Variants in COPS7B observed in about 807,000 individuals in gnomAD.
COPS7B encodes COP9 signalosome subunit 7B.
Under a neutral mutation model 33.4 loss-of-function variants are expected in COPS7B, and 9 were observed. The observed-to-expected ratio is 0.27, with a 90% CI of 0.16 to 0.47. The LOEUF (loss-of-function observed/expected upper bound fraction) is 0.47, where lower values mean the gene tolerates loss of function less well. COPS7B is among the 20% of genes least tolerant of loss of function. The pLI, the probability that COPS7B is intolerant of heterozygous loss-of-function variation, is 0.99. For missense variants in COPS7B, 242 were observed against 318.2 expected, an observed-to-expected ratio of 0.76 and a Z score of 1.82; for synonymous variants, 119 against 126.3, an observed-to-expected ratio of 0.94 and a Z score of 0.39.
chr2:231,793,388 G>T (rs1318646018), intron 3 of COPS7B: 2 of 152,152 alleles, frequency 1.3e-5, no homozygotes, highest in Admixed American at 1.3e-4. Context: ...ATAGTTTTTT[G>T]GAATCCAGAA....
In COPS7B at chr2:231,791,772, A is replaced by G; in HGVS notation, c.202A>G (p.Asn68Asp). Residue 68 changes from asparagine to aspartate, a missense_variant, in exon 3 of 7, where the codon AAC becomes GAC. By Grantham distance (23) the Asn-to-Asp change is conservative. Coordinates refer to ENST00000350033, the MANE Select transcript of COPS7B (RefSeq NM_022730.4). ...GANAAYLQLLNLFAYGTYPDY... is the reference protein window; with the variant it reads ...GANAAYLQLLDLFAYGTYPDY... ...TAATGCTGCTTATTTGCAGTTGTTG[A>G]ACCTGTTTGCCTATGGGACATACCC... 6.2e-7 allele frequency: 1 copy of G among 1,614,142 alleles called. No individual in the cohort carries two copies. Among genetic ancestry groups the G allele is most frequent in the Non-Finnish European group, 8.5e-7 (1 of 1,180,016 alleles).
chr2:231,805,413 TTATA>T (rs72268376), intron 6 of COPS7B, among the ~76,000 whole-genome samples: 3 of 131,444 alleles, frequency 2.3e-5, no homozygotes, highest in East Asian at 2.1e-4. Flanking sequence ...TCCCTGTTTA[TTATA>T]TATATATATA....
At chr2:231,794,426 C>A in intron 4 of COPS7B, 75 bp downstream of exon 4, 1 of 1,161,082 alleles carries the variant, frequency 8.6e-7, no homozygotes, top group Non-Finnish European at 1.3e-6. Context: ...TGAAGGAAGT[C>A]CCAGCTGCAC....
At chr2:231,803,748 G>A (rs2049814142) in intron 6 of COPS7B, among the ~76,000 whole-genome samples, 1 of 152,220 alleles carries the variant, frequency 6.6e-6, no homozygotes, top group Non-Finnish European at 1.5e-5. Context: ...TTCTGTGACT[G>A]CAGAAGGATG....
chr2:231,807,790 TC>T lies in COPS7B; in HGVS notation c.*147del. The T allele has an allele frequency of 1.4e-6, 1 of 707,146 alleles. No homozygotes were observed. Among genetic ancestry groups the T allele is most frequent in the Non-Finnish European group, 2.2e-6 (1 of 445,020 alleles). The allele number at this position is 707,146 out of a possible 1,614,324, so 43.8% of individuals were successfully genotyped here. A position where few individuals can be genotyped will look rare whatever the true frequency, so the allele number is the denominator to read the frequency against. On this transcript the variant is annotated 3_prime_UTR_variant, in exon 7 of 7. Transcript: ENST00000350033. ...CGCCTCCCCACCCTGTTGGTACTGT[TC>T]CAGAAAAACTGTTACTCCCCCTCAC... is the stretch of plus-strand genomic sequence containing the variant.
At chr2:231,785,251 A>G (rs1403018965), upstream of COPS7B, among the ~76,000 whole-genome samples, 1 of 152,212 alleles carries the variant, frequency 6.6e-6, no homozygotes, top group Non-Finnish European at 1.5e-5. Context: ...TCCTTAGCTT[A>G]AAAAGCCTAA....
intron 6 of COPS7B, chr2:231,801,227 G>A: frequency 1.3e-6 from 2 of 1,550,076 alleles, no homozygotes; most frequent in Non-Finnish European, 1.7e-6. Flanking sequence ...AGCTTTAAGA[G>A]CCCTCCTTCT....
At position 231,788,706 on chromosome 2, in the gene COPS7B, C is replaced by T. The variant is rs771309215; in HGVS notation, c.136C>T (p.Leu46Phe). ...EAPGVYVFGE[L>F]LELANVQELA... ...TCCCGGAGTGTATGTCTTTGGAGAA[C>T]TTCTGGAGCTGGCCAACGTGCAGGA... Residue 46 changes from leucine (L) to phenylalanine (F), a missense_variant, in exon 2 of 7, where the codon CTT becomes TTT. Physicochemically the swap from Leu to Phe is conservative, Grantham distance 22. Coordinates refer to ENST00000350033, the MANE Select transcript of COPS7B (RefSeq NM_022730.4). 4 of 1,614,106 alleles carry T rather than the reference C, an allele frequency of 2.5e-6. No individual in the cohort carries two copies. The highest frequency in any genetic ancestry group is 2.5e-6 in the Non-Finnish European group (3 of 1,180,018).
At position 231,796,093 on chromosome 2, in the gene COPS7B, G is replaced by C. The variant is rs917450723; in HGVS notation, c.328-13G>C. ...AGATGGTTTTTATAATGATCACATG[G>C]CCTTATCTACAGTGTATCCCCTACT... On this transcript the variant is annotated splice_polypyrimidine_tract_variant and intron_variant, in intron 4 of 6. Coordinates refer to ENST00000350033, the MANE Select transcript of COPS7B (RefSeq NM_022730.4). 6.2e-7 allele frequency: 1 copy of C among 1,610,676 alleles called. No individual in the cohort carries two copies. Among genetic ancestry groups the C allele is most frequent in the Non-Finnish European group, 8.5e-7 (1 of 1,177,118 alleles).
chr2:231,788,723 C>T lies in COPS7B; in HGVS notation c.153C>T (p.Asn51=), dbSNP rs374720622. The T allele has an allele frequency of 1.8e-5, 29 of 1,613,264 alleles. No homozygotes were observed. The African/African-American group carries it at 2.7e-4, about 15-fold the overall frequency. The stretch of plus-strand genomic sequence containing the variant: ...TTGGAGAACTTCTGGAGCTGGCCAA[C>T]GTGCAGGAGGTAAGAACGGTTTGCA... The part of the protein sequence containing the change: ...YVFGELLELA[N]VQELAEGANA... The change falls in exon 2 of 7, where the codon AAC becomes AAT. Residue 51 remains asparagine, a synonymous_variant. Transcript: ENST00000350033.
chr2:231,783,945 G>A (rs141529407), upstream of COPS7B, among the ~76,000 whole-genome samples: 8 of 152,242 alleles, frequency 5.3e-5, no homozygotes, highest in African/African-American at 9.6e-5. Context: ...CAATAGTTCC[G>A]TGCTTTTTAT....
At chr2:231,791,334 C>T (rs1451337334) in intron 2 of COPS7B, among the ~76,000 whole-genome samples, 3 of 152,220 alleles carry the variant, frequency 2.0e-5, no homozygotes, top group Non-Finnish European at 4.4e-5. Flanking sequence ...GCTTTGTTCA[C>T]TTTGGGTTGG....
chr2:231,788,412 A>T (rs963513429), intron 1 of COPS7B, 143 bp from the exon 2 acceptor site: 1 of 721,776 alleles, frequency 1.4e-6, no homozygotes, highest in Non-Finnish European at 2.2e-6. Context: ...CTGGGATTAC[A>T]GGCATGAGCC....
At chr2:231,797,853 G>A (rs1443625903) in intron 5 of COPS7B, among the ~76,000 whole-genome samples, 3 of 152,118 alleles carry the variant, frequency 2.0e-5, no homozygotes, top group African/African-American at 4.8e-5. Context: ...GAGAAAAGGC[G>A]GAATCTTCAA....
upstream of COPS7B, chr2:231,786,316 T>C: frequency 6.7e-6 from 3 of 444,930 alleles, no homozygotes; most frequent in Non-Finnish European, 8.9e-6. Context: ...TCGCTCCCAC[T>C]TCCCCACCGG....
In COPS7B at chr2:231,791,792, A is replaced by G. The variant is rs781423117; in HGVS notation, c.222A>G (p.Thr74=). The G allele has an allele frequency of 1.3e-5, 21 of 1,613,792 alleles. No homozygotes were observed. The highest frequency in any genetic ancestry group is 1.7e-5 in the Non-Finnish European group (20 of 1,179,756). Residue 74 remains threonine, a synonymous_variant, in exon 3 of 7, where the codon ACA becomes ACG. Transcript: ENST00000350033. ...LQLLNLFAYG[T]YPDYIANKES... is the part of the protein sequence containing the mutation. Reference sequence around the variant, plus strand: ...TGTTGAACCTGTTTGCCTATGGGACATACCCAGATTACATAGGTGAGTTGG... The same window carrying G: ...TGTTGAACCTGTTTGCCTATGGGACGTACCCAGATTACATAGGTGAGTTGG...
intron 1 of COPS7B, among the ~76,000 whole-genome samples, chr2:231,787,039 C>T (rs1173674793): frequency 2.6e-5 from 4 of 152,156 alleles, no homozygotes; most frequent in African/African-American, 9.7e-5. Context: ...TTGCAGAGAT[C>T]CCCATCTGTC....
Position 231,796,098 on chromosome 2 carries a change from A to G in COPS7B, c.328-8A>G. On this transcript the variant is annotated splice_region_variant and splice_polypyrimidine_tract_variant and intron_variant, in intron 4 of 6. Transcript: ENST00000350033. ...GTTTTTATAATGATCACATGGCCTT[A>G]TCTACAGTGTATCCCCTACTCCGTG... is the stretch of plus-strand genomic sequence containing the variant. The G allele has an allele frequency of 6.2e-7, 1 of 1,612,384 alleles. No homozygotes were observed. The highest frequency in any genetic ancestry group is 1.1e-5 in the South Asian group (1 of 91,016).
upstream of COPS7B, among the ~76,000 whole-genome samples, chr2:231,785,692 G>A (rs888254784): frequency 6.6e-6 from 1 of 152,196 alleles, no homozygotes; most frequent in Non-Finnish European, 1.5e-5. Flanking sequence ...GGCAAATAGG[G>A]CTGTTTTTCT....
Sources: gnomAD v4.1 joint callset for allele counts (sites outside exome capture counted in the v4.1 genomes callset) on GRCh38, gnomAD v4.1.1 for gene constraint, MANE v1.5 for transcripts, NCBI Gene and HGNC (gene_info 2026-07-23, HGNC 2026-07-21) for gene names.